Variants in GSG1L observed in about 807,000 individuals in gnomAD.
GSG1L encodes the protein GSG1 like.
Under a neutral mutation model 42.1 loss-of-function variants are expected in GSG1L, and 24 were observed. That is an observed-to-expected ratio of 0.57 (90% CI 0.41 to 0.80). The LOEUF is 0.80. Ranked by LOEUF, GSG1L falls within the 30% of genes least tolerant of loss-of-function variation. The pLI, the probability that GSG1L is intolerant of heterozygous loss-of-function variation, is 0.00. For synonymous variants in GSG1L, 215 were observed against 203.5 expected, an observed-to-expected ratio of 1.06 and a Z score of -0.48; for missense variants, 445 against 472.2, an observed-to-expected ratio of 0.94 and a Z score of 0.53.
chr16:27,885,440 C>T (rs1414683891), intron 2 of GSG1L, among the ~76,000 whole-genome samples: 1 of 152,198 alleles, frequency 6.6e-6, no homozygotes, highest in East Asian at 1.9e-4. Flanking sequence ...TGAGCCACCA[C>T]ACCTGGCCCA....
intron 3 of GSG1L, among the ~76,000 whole-genome samples, chr16:27,855,109 G>A (rs1047171931): frequency 2.6e-5 from 4 of 152,122 alleles, no homozygotes; most frequent in African/African-American, 9.7e-5. Flanking sequence ...CATCCAGGGT[G>A]CTCGACCGTG....
intron 2 of GSG1L, among the ~76,000 whole-genome samples, chr16:27,929,155 G>A (rs1862452): frequency 0.46 from 69,930 of 152,024 alleles, 16,350 homozygotes; most frequent in South Asian, 0.57. Flanking sequence ...GAATCACTGC[G>A]CTAGAAGGTA....
chr16:27,986,298 G>C (rs2085381354), intron 1 of GSG1L, among the ~76,000 whole-genome samples: 1 of 152,140 alleles, frequency 6.6e-6, no homozygotes, highest in Non-Finnish European at 1.5e-5. Context: ...CCAGGAGTTT[G>C]AGACCAGCCT....
intron 6 of GSG1L, among the ~76,000 whole-genome samples, chr16:27,803,780 T>TATATAG (rs1567460327): frequency 1.2e-5 from 1 of 83,126 alleles, no homozygotes; most frequent in Admixed American, 1.4e-4. Flanking sequence ...TATATATATA[T>TATATAG]ATATATATAT....
chr16:27,828,498 T>C (rs1325431807), intron 5 of GSG1L, among the ~76,000 whole-genome samples: 1 of 152,242 alleles, frequency 6.6e-6, no homozygotes, highest in Admixed American at 6.5e-5. Flanking sequence ...TTTATCATGG[T>C]TCCAAGAAGC....
At chr16:27,851,690 G>C (rs2083516806) in intron 3 of GSG1L, among the ~76,000 whole-genome samples, 1 of 152,234 alleles carries the variant, frequency 6.6e-6, no homozygotes, top group Non-Finnish European at 1.5e-5. Flanking sequence ...TGTTGTGTGA[G>C]ATCCGTGCTC....
chr16:27,886,023 C>A (rs935914834), intron 2 of GSG1L, among the ~76,000 whole-genome samples: 1 of 152,138 alleles, frequency 6.6e-6, no homozygotes, highest in African/African-American at 2.4e-5. Context: ...TGCAGCTGAC[C>A]CACATCTGGG....
rs1384454609 is a variant in GSG1L at position 28,040,610 on chromosome 16, G to A, written c.349+22466C>T. 3.3e-5 allele frequency among the ~76,000 whole-genome samples: 5 copies of A among 152,186 alleles called. No homozygotes were observed. Among genetic ancestry groups the A allele is most frequent in the Admixed American group, 6.5e-5 (1 of 15,274 alleles). ...AACGAATGAATGAAATGTCAAGGAC[G>A]GATGCCCTTCCAGCAACCTAAGAAG... On this transcript the variant is annotated intron_variant, in intron 1 of 6. Coordinates refer to ENST00000447459, the MANE Select transcript of GSG1L (RefSeq NM_001109763.2). This position sits in a 1 kb window ranked among gnomAD's most constrained non-coding sequence, Gnocchi z 4.1.
intron 3 of GSG1L, among the ~76,000 whole-genome samples, chr16:27,882,149 G>A (rs1235651048): frequency 1.3e-5 from 2 of 152,154 alleles, no homozygotes; most frequent in African/African-American, 2.4e-5. Context: ...TCCTGATAGT[G>A]AGTCTCACGA....
chr16:27,818,070 C>T (rs1326356623), intron 5 of GSG1L, among the ~76,000 whole-genome samples: 1 of 152,224 alleles, frequency 6.6e-6, no homozygotes, highest in African/African-American at 2.4e-5. Flanking sequence ...TTTGAGCAGG[C>T]TTCCAGGTGA....
At chr16:28,029,123 A>G (rs540580107) in intron 1 of GSG1L, among the ~76,000 whole-genome samples, 1 of 152,212 alleles carries the variant, frequency 6.6e-6, no homozygotes, top group Admixed American at 6.5e-5. Flanking sequence ...AGGGTCCTTG[A>G]GCTGTTCCCT....
chr16:27,980,259 C>T (rs373923339), intron 1 of GSG1L, among the ~76,000 whole-genome samples: 6 of 152,082 alleles, frequency 3.9e-5, no homozygotes, highest in East Asian at 1.9e-4. Flanking sequence ...ATGTGGGCAA[C>T]GAGACAGGGG....
chr16:27,942,104 T>C (rs138597870), intron 2 of GSG1L, among the ~76,000 whole-genome samples: 28 of 152,186 alleles, frequency 1.8e-4, no homozygotes, highest in African/African-American at 5.5e-4. Context: ...TGGTAAATTT[T>C]ATGTTATATA....
chr16:27,825,610 G>A (rs2083200074), intron 5 of GSG1L, among the ~76,000 whole-genome samples: 1 of 152,182 alleles, frequency 6.6e-6, no homozygotes, highest in Admixed American at 6.5e-5. Flanking sequence ...GCAGTGAGCT[G>A]TGCTTGTGTC....
intron 2 of GSG1L, among the ~76,000 whole-genome samples, chr16:27,923,295 T>C (rs1385791004): frequency 6.6e-6 from 1 of 152,172 alleles, no homozygotes; most frequent in African/African-American, 2.4e-5. Context: ...TCTGCCCCTG[T>C]ACCCCGAGAA....
At chr16:27,828,755 C>T (rs1007361032) in intron 5 of GSG1L, 34 bp downstream of exon 5, 13 of 1,595,200 alleles carry the variant, frequency 8.1e-6, no homozygotes, top group Admixed American at 3.4e-5. Context: ...TTAGAGTCCC[C>T]GTGGTGGCCA....
intron 2 of GSG1L, among the ~76,000 whole-genome samples, chr16:27,923,610 C>T (rs372224363): frequency 2.6e-5 from 4 of 151,682 alleles, no homozygotes; most frequent in Admixed American, 1.3e-4. Flanking sequence ...GGCATGGTGG[C>T]GGGTGCCTGT....
At chr16:27,946,342 C>G (rs1179001910) in intron 2 of GSG1L, among the ~76,000 whole-genome samples, 1 of 151,840 alleles carries the variant, frequency 6.6e-6, no homozygotes, top group Admixed American at 6.6e-5. Context: ...GTCAGGAATT[C>G]GAGACCAGCC....
chr16:27,802,808 C>A (rs1408567875), intron 6 of GSG1L, among the ~76,000 whole-genome samples: 2 of 152,128 alleles, frequency 1.3e-5, no homozygotes, highest in African/African-American at 4.8e-5. Context: ...GCTTGCACCA[C>A]CATGCCCAGC....
Sources: gnomAD v4.1 joint callset for allele counts (sites outside exome capture counted in the v4.1 genomes callset) on GRCh38, gnomAD v4.1.1 for gene constraint, Gnocchi (gnomAD v3.1) non-coding constraint, MANE v1.5 for transcripts, NCBI Gene and HGNC (gene_info 2026-07-23, HGNC 2026-07-21) for gene names.